SLC44A2: variants seen among roughly 807,000 people sequenced by gnomAD.
The protein encoded by SLC44A2 is solute carrier family 44 member 2 (CTL2 blood group).
Under a neutral mutation model 90.8 loss-of-function variants are expected in SLC44A2, and 57 were observed. The observed-to-expected ratio is 0.63, with a 90% CI of 0.51 to 0.78. The LOEUF (loss-of-function observed/expected upper bound fraction) is 0.78, where lower values mean the gene tolerates loss of function less well. Ranked by LOEUF, SLC44A2 falls within the 30% of genes least tolerant of loss-of-function variation. The pLI is 0.00. For missense variants in SLC44A2, 794 were observed against 919.7 expected (o/e 0.86, Z 1.77); for synonymous variants, 355 against 360.7 (o/e 0.98, Z 0.18).
chr19:10,632,513 G>A (rs1300432538), intron 10 of SLC44A2, among the ~76,000 whole-genome samples: 1 of 144,040 alleles, frequency 6.9e-6, no homozygotes, highest in African/African-American at 2.6e-5. Context: ...TCCAGCCTGG[G>A]CAACAAGAGC....
intron 9 of SLC44A2, 35 bp from the exon 10 acceptor site, chr19:10,632,009 G>A (rs778327962): frequency 6.2e-7 from 1 of 1,613,682 alleles, no homozygotes; most frequent in Non-Finnish European, 8.5e-7. Context: ...CTGGCTGAGG[G>A]TGGAGTCTGT....
intron 1 of SLC44A2, among the ~76,000 whole-genome samples, chr19:10,609,356 G>A (rs966774923): frequency 2.6e-5 from 4 of 151,898 alleles, no homozygotes; most frequent in Admixed American, 2.6e-4. Context: ...CTGGAGTGTA[G>A]TGGCATGATC....
At chr19:10,639,133 C>T (rs947545215) in intron 20 of SLC44A2, among the ~76,000 whole-genome samples, 3 of 152,108 alleles carry the variant, frequency 2.0e-5, no homozygotes, top group East Asian at 1.9e-4. Flanking sequence ...GGGGTTTCAC[C>T]GTGTTGGCTG....
chr19:10,606,701 T>C (rs955731430), intron 1 of SLC44A2, among the ~76,000 whole-genome samples: 8 of 150,148 alleles, frequency 5.3e-5, no homozygotes, highest in South Asian at 2.1e-4. Flanking sequence ...GTCCCAGCTA[T>C]GTGGGAGGCT....
chr19:10,611,708 G>A (rs1918308641), intron 1 of SLC44A2, among the ~76,000 whole-genome samples: 1 of 151,684 alleles, frequency 6.6e-6, no homozygotes, highest in African/African-American at 2.4e-5. Context: ...TGTGGTCCGA[G>A]CCACTCTGGA....
intron 1 of SLC44A2, among the ~76,000 whole-genome samples, chr19:10,604,925 GCT>G (rs1046730301): frequency 6.6e-6 from 1 of 152,116 alleles, no homozygotes; most frequent in African/African-American, 2.4e-5. Context: ...TGGGGAAATG[GCT>G]CTGGGCCCCG....
chr19:10,626,853 C>T (rs1258939507), intron 2 of SLC44A2, among the ~76,000 whole-genome samples: 4 of 150,816 alleles, frequency 2.7e-5, no homozygotes, highest in Admixed American at 6.6e-5. Flanking sequence ...GGTTCAAGCA[C>T]GTCTTCTGTC....
At position 10,637,645 on chromosome 19, in the gene SLC44A2, T is replaced by A; in HGVS notation, c.1593T>A (p.Ala531=). The A allele has an allele frequency of 6.2e-7, 1 of 1,613,520 alleles. No individual in the cohort carries two copies. The highest frequency in any genetic ancestry group is 8.5e-7 in the Non-Finnish European group (1 of 1,179,452). ...ILEYLDQRLK[A]AENKFAKCLM... is the part of the protein sequence containing the mutation. The stretch of plus-strand genomic sequence containing the variant: ...CACATCCCTTCCCTTCTCTTCCAGC[T>A]GCAGAGAACAAGTTTGCCAAGTGCC... Residue 531 remains alanine (A), a splice_region_variant and synonymous_variant, in exon 17 of 22, where the codon GCT becomes GCA. Coordinates refer to ENST00000335757, the MANE Select transcript of SLC44A2 (RefSeq NM_020428.4).
intron 10 of SLC44A2, among the ~76,000 whole-genome samples, chr19:10,634,029 G>A (rs2067025143): frequency 6.9e-6 from 1 of 144,472 alleles, no homozygotes; most frequent in African/African-American, 2.6e-5. Context: ...GGAGTGCAGT[G>A]GCGCGATCTC....
At chr19:10,640,147 A>G (rs1300055971) in intron 20 of SLC44A2, among the ~76,000 whole-genome samples, 1 of 122,344 alleles carries the variant, frequency 8.2e-6, no homozygotes, top group Non-Finnish European at 1.6e-5. Flanking sequence ...CTGGAGTGCG[A>G]TGGAGTGATC....
At chr19:10,619,429 G>GA (rs566655366) in intron 1 of SLC44A2, among the ~76,000 whole-genome samples, 1,102 of 79,222 alleles carry the variant, frequency 0.014, 9 homozygotes, top group African/African-American at 0.035. Flanking sequence ...CCATGTTTCA[G>GA]AAAAAAAAAA....
At chr19:10,624,223 C>T (rs2066912419), upstream of SLC44A2, among the ~76,000 whole-genome samples, 1 of 152,006 alleles carries the variant, frequency 6.6e-6, no homozygotes, top group African/African-American at 2.4e-5. Context: ...GTCTCGATCT[C>T]TTGACCTCAT....
chr19:10,618,459 G>C (rs918681238), intron 1 of SLC44A2, among the ~76,000 whole-genome samples: 1 of 142,934 alleles, frequency 7.0e-6, no homozygotes, highest in Admixed American at 7.4e-5. Flanking sequence ...ACAGGTGTAA[G>C]CCACTGCGCC....
chr19:10,610,819 T>C (rs1459358530), intron 1 of SLC44A2, among the ~76,000 whole-genome samples: 1 of 149,652 alleles, frequency 6.7e-6, no homozygotes, highest in Non-Finnish European at 1.5e-5. Context: ...TTTGTATTTT[T>C]AGTAGAGACG....
At chr19:10,631,589 G>T in intron 7 of SLC44A2, 37 bp from the exon 8 acceptor site, 1 of 1,613,962 alleles carries the variant, frequency 6.2e-7, no homozygotes, top group Non-Finnish European at 8.5e-7. Flanking sequence ...CTCTGCAGAG[G>T]CTCAGCCTGA....
chr19:10,612,797 C>T (rs1287248111), intron 1 of SLC44A2, among the ~76,000 whole-genome samples: 1 of 152,260 alleles, frequency 6.6e-6, no homozygotes, highest in African/African-American at 2.4e-5. Context: ...CGAAGGCTGC[C>T]TCTCCCAATC....
In SLC44A2 at chr19:10,619,448, T is replaced by C. The variant is rs527461923; in HGVS notation, c.32-6805T>C. 5.6e-4 allele frequency among the ~76,000 whole-genome samples: 65 copies of C among 116,422 alleles called. 1 individual carries two copies. In the South Asian group the frequency reaches 0.011, roughly 19 times the overall value. 76.4% of individuals were successfully genotyped at this position (116,422 alleles called of 152,430 possible). ...GTTTCAGAAAAAAAAAAAAAAAGTG[T>C]TTTTTTTTTTTTTAAGCCTCAGAGC... On this transcript the variant is annotated intron_variant, in intron 1 of 21. Transcript: ENST00000407327.
chr19:10,607,074 G>A (rs1270329258), intron 1 of SLC44A2, among the ~76,000 whole-genome samples: 1 of 151,146 alleles, frequency 6.6e-6, no homozygotes, highest in East Asian at 2.0e-4. Flanking sequence ...ACCACGCCTG[G>A]CTAATTTTTT....
At chr19:10,631,572 G>C in intron 7 of SLC44A2, 37 bp downstream of exon 7, 1 of 1,613,992 alleles carries the variant, frequency 6.2e-7, no homozygotes, top group Non-Finnish European at 8.5e-7. Context: ...AGGTGGTGAC[G>C]GGGAGGCTCT....
Sources: allele counts gnomAD v4.1 joint callset (sites outside exome capture counted in the v4.1 genomes callset), GRCh38; gene constraint gnomAD v4.1.1; transcripts MANE v1.5; gene names NCBI Gene and HGNC (gene_info 2026-07-23, HGNC 2026-07-21).